Variants in DMD observed in about 807,000 individuals in gnomAD.
DMD encodes the protein dystrophin, also known as mutant dystrophin.
DMD carries 63 observed loss-of-function variants against 330.1 expected under a neutral mutation model. The observed-to-expected ratio is 0.19, with a 90% CI of 0.16 to 0.24. The LOEUF is 0.24. DMD is among the 10% of genes least tolerant of loss of function. The pLI, the probability that DMD is intolerant of heterozygous loss-of-function variation, is 1.00. For missense variants in DMD, 3,344 were observed against 2,684.1 expected (o/e 1.25, Z -5.43); for synonymous variants, 1,223 against 959.8 (o/e 1.27, Z -5.07).
At chrX:33,324,746 A>C (rs771021924) in intron 1 of DMD, among the ~76,000 whole-genome samples, 1 of 111,620 alleles carries the variant, frequency 9.0e-6, no homozygotes, top group Non-Finnish European at 1.9e-5. Context: ...AAAGATTGTC[A>C]ATGTTTTCCC....
rs2034886618 is a variant in DMD, at chrX:31,134,202, A to G, written c.10922-8T>C. The G allele has an allele frequency of 4.2e-6, 5 of 1,193,196 alleles. No homozygotes were observed. The South Asian group carries it at 8.9e-5, about 21-fold the overall frequency. The stretch of plus-strand genomic sequence containing the variant: ...TGAGAAGATCTTCCTCACCTTAATA[A>G]AAGCAAAAACAAATAATGGAAAATT... On this transcript the variant is annotated splice_region_variant and splice_polypyrimidine_tract_variant and intron_variant, in intron 76 of 78. Transcript: ENST00000357033.
At chrX:31,231,216 C>T (rs1305762472) in intron 63 of DMD, among the ~76,000 whole-genome samples, 1 of 110,817 alleles carries the variant, frequency 9.0e-6, no homozygotes, top group Non-Finnish European at 1.9e-5. Flanking sequence ...AGCTACAAAG[C>T]AGTGTTGCCT....
At chrX:32,722,219 TAC>T (rs1355302071) in intron 7 of DMD, among the ~76,000 whole-genome samples, 1 of 110,697 alleles carries the variant, frequency 9.0e-6, no homozygotes, top group Non-Finnish European at 1.9e-5. Flanking sequence ...ATTAAATTTG[TAC>T]AGTCAACCTT....
intron 2 of DMD, among the ~76,000 whole-genome samples, chrX:32,923,031 A>G (rs1230515345): frequency 8.9e-6 from 1 of 111,803 alleles, no homozygotes; most frequent in Non-Finnish European, 1.9e-5. Context: ...ATTTTAACAG[A>G]AATTCTTCTT....
chrX:31,434,418 G>GCGCACA (rs1195150508), intron 60 of DMD, among the ~76,000 whole-genome samples: 23 of 78,061 alleles, frequency 2.9e-4, no homozygotes, highest in East Asian at 9.2e-4. Flanking sequence ...CAGCGCGCGC[G>GCGCACA]CACACACACA....
intron 63 of DMD, among the ~76,000 whole-genome samples, chrX:31,249,535 T>C (rs1253911709): frequency 1.8e-5 from 2 of 111,748 alleles, no homozygotes; most frequent in Non-Finnish European, 3.8e-5. Context: ...CTGAATGATA[T>C]ATTATTTTAG....
At chrX:32,224,685 T>G (rs1308553476) in intron 43 of DMD, among the ~76,000 whole-genome samples, 1 of 111,998 alleles carries the variant, frequency 8.9e-6, no homozygotes, top group Admixed American at 9.5e-5. Flanking sequence ...TGCTGATATT[T>G]TTACAACTCT....
chrX:32,816,036 T>A (rs943116184), intron 6 of DMD, among the ~76,000 whole-genome samples: 1 of 111,463 alleles, frequency 9.0e-6, no homozygotes, highest in Non-Finnish European at 1.9e-5. Context: ...ACACTACGTA[T>A]CTGATGATGG....
At position 32,673,993 on chromosome X, in the gene DMD, G is replaced by C. The variant is rs891626702; in HGVS notation, c.960+23877C>G. Reference sequence around the variant, plus strand: ...TTGTTATCACTCAAACCTAGGGCAAGCACCAGGACTTTTAAACAACACAAT... The same window carrying C: ...TTGTTATCACTCAAACCTAGGGCAACCACCAGGACTTTTAAACAACACAAT... On this transcript the variant is annotated intron_variant, in intron 9 of 78. Transcript: ENST00000357033. 4.5e-5 allele frequency among the ~76,000 whole-genome samples: 5 copies of C among 111,586 alleles called. No homozygotes were observed. In the East Asian group the frequency reaches 1.1e-3, roughly 25 times the overall value.
intron 2 of DMD, among the ~76,000 whole-genome samples, chrX:32,995,191 T>C (rs1402444407): frequency 4.4e-5 from 5 of 112,846 alleles, no homozygotes; most frequent in Non-Finnish European, 9.4e-5. Context: ...TAATAAAGGC[T>C]AGCCATCTGT....
At chrX:32,370,015 C>G (rs1023932355) in intron 34 of DMD, among the ~76,000 whole-genome samples, 1 of 111,136 alleles carries the variant, frequency 9.0e-6, no homozygotes, top group African/African-American at 3.3e-5. Context: ...GAATTCTGCA[C>G]TTAGTATTTG....
intron 61 of DMD, among the ~76,000 whole-genome samples, chrX:31,341,965 AC>A (rs1436777330): frequency 1.8e-5 from 2 of 110,443 alleles, no homozygotes; most frequent in Admixed American, 9.6e-5. Flanking sequence ...CCAAAACAAC[AC>A]TTAACCTTGC....
chrX:32,536,264 C>CAAAAAAAAAAAAAAAAA (rs1191335690), intron 17 of DMD, among the ~76,000 whole-genome samples: 1 of 36,378 alleles, frequency 2.7e-5, no homozygotes, highest in African/African-American at 1.2e-4. Context: ...ACTCCGTCTC[C>CAAAAAAAAAAAAAAAAA]AAAAAAAAAA....
chrX:32,849,880 C>T (rs1446729481), intron 2 of DMD, 60 bp from the exon 3 acceptor site: 27 of 841,535 alleles, frequency 3.2e-5, no homozygotes, highest in East Asian at 6.4e-5. Flanking sequence ...TACATTTTCA[C>T]GATTATCCCC....
intron 60 of DMD, among the ~76,000 whole-genome samples, chrX:31,419,919 A>C (rs1313163741): frequency 8.9e-6 from 1 of 111,811 alleles, no homozygotes; most frequent in Non-Finnish European, 1.9e-5. Context: ...TATTATTAAT[A>C]GTTCTACCTT....
In DMD at chrX:31,443,511, AATAAACTG is replaced by A. The variant is rs756557379; in HGVS notation, c.9084+962_9084+969del. Among the ~76,000 whole-genome samples, 415 of 111,331 alleles carry A rather than the reference AATAAACTG, an allele frequency of 3.7e-3. 1 individual carries two copies. Among genetic ancestry groups the A allele is most frequent in the Non-Finnish European group, 5.7e-3 (303 of 53,129 alleles). Reference sequence around the variant, plus strand: ...TTTATTTTGACTTATTCATCCTAATAATAAACTGATATTGCAGAGAATTTTATTATCGC... The same window carrying A: ...TTTATTTTGACTTATTCATCCTAATAATATTGCAGAGAATTTTATTATCGC... On this transcript the variant is annotated intron_variant, in intron 60 of 78. Coordinates refer to ENST00000357033, the MANE Select transcript of DMD (RefSeq NM_004006.3).
intron 11 of DMD, among the ~76,000 whole-genome samples, chrX:32,643,068 G>T (rs1602448036): frequency 9.0e-6 from 1 of 111,196 alleles, no homozygotes. Context: ...AGACTCAACA[G>T]TTATAATATG....
chrX:32,871,747 G>A (rs1279822297), intron 2 of DMD, among the ~76,000 whole-genome samples: 2 of 111,322 alleles, frequency 1.8e-5, no homozygotes, highest in African/African-American at 6.5e-5. Context: ...GTTGTTATGA[G>A]CTTCTGACAA....
At chrX:32,657,376 T>TA (rs1326666444) in intron 9 of DMD, among the ~76,000 whole-genome samples, 2 of 112,046 alleles carry the variant, frequency 1.8e-5, no homozygotes, top group Non-Finnish European at 3.8e-5. Flanking sequence ...TAAGCATCAA[T>TA]AAAAAAACTT....
Sources: gnomAD v4.1 joint callset for allele counts (sites outside exome capture counted in the v4.1 genomes callset) on GRCh38, gnomAD v4.1.1 for gene constraint, MANE v1.5 for transcripts, NCBI Gene and HGNC (gene_info 2026-07-23, HGNC 2026-07-21) for gene names.